SNRPN: variants seen among roughly 807,000 people sequenced by gnomAD.
SNRPN encodes the protein small nuclear ribonucleoprotein polypeptide N, also known as small nuclear ribonucleoprotein-associated protein N.
In SNRPN, 7 loss-of-function variants were observed where a neutral mutation model predicts 25.2. That is an observed-to-expected ratio of 0.28 (90% CI 0.16 to 0.52). The LOEUF is 0.52. SNRPN is among the 20% of genes least tolerant of loss of function. The probability of loss-of-function intolerance (pLI) is 0.96; values close to 1 mark genes in which losing one functional copy is unlikely to be tolerated. For synonymous variants in SNRPN, 124 were observed against 110.6 expected (o/e 1.12, Z -0.76); for missense variants, 196 against 322.5 (o/e 0.61, Z 3.00).
In SNRPN at chr15:24,900,522, A is replaced by G. The variant is rs141049276; in HGVS notation, c.-505+13933A>G. ...TTGCACAAAAGCTGGGTTAGATACCATTAAAGGGGATGCCCATTTTTCTTA... is the reference window on the plus strand; with the variant it reads ...TTGCACAAAAGCTGGGTTAGATACCGTTAAAGGGGATGCCCATTTTTCTTA... On this transcript the variant is annotated intron_variant, in intron 2 of 11. Transcript: ENST00000400097. 1.5e-3 allele frequency among the ~76,000 whole-genome samples: 234 copies of G among 152,018 alleles called. 1 individual carries two copies. The Middle Eastern group carries it at 0.037, about 24-fold the overall frequency.
At chr15:24,889,938 T>C (rs1227445550) in intron 2 of SNRPN, among the ~76,000 whole-genome samples, 1 of 149,922 alleles carries the variant, frequency 6.7e-6, no homozygotes, top group Non-Finnish European at 1.5e-5. Flanking sequence ...TAGTCCCAGC[T>C]ACTCAGGAGA....
chr15:24,915,968 C>CTTTTTTTTT (rs35835568), intron 2 of SNRPN, among the ~76,000 whole-genome samples: 3 of 97,384 alleles, frequency 3.1e-5, no homozygotes, highest in African/African-American at 7.9e-5. Flanking sequence ...GCCAGGTTGA[C>CTTTTTTTTT]TTTTTTTTTT....
chr15:24,958,228 G>A (rs1006224331), intron 1 of SNRPN, among the ~76,000 whole-genome samples: 3 of 152,008 alleles, frequency 2.0e-5, no homozygotes, highest in Admixed American at 2.0e-4. Flanking sequence ...TGTTTATAAG[G>A]TGTCAAGGAT....
chr15:24,835,392 CT>C, intron 2 of SNRPN, among the ~76,000 whole-genome samples: 1 of 151,626 alleles, frequency 6.6e-6, no homozygotes. Flanking sequence ...TTAAAATTAC[CT>C]TAATTTTGTA....
chr15:24,969,979 A>G (rs2076194030), intron 3 of SNRPN, among the ~76,000 whole-genome samples: 1 of 152,240 alleles, frequency 6.6e-6, no homozygotes, highest in Non-Finnish European at 1.5e-5. Context: ...TTGCTATTTA[A>G]AAGAAAATAA....
rs1489705156 is a variant in SNRPN at position 24,977,885 on chromosome 15, C to A, written c.528C>A (p.Pro176=). 2 of 1,590,840 alleles carry A rather than the reference C, an allele frequency of 1.3e-6. No individual in the cohort carries two copies. Among genetic ancestry groups the A allele is most frequent in the Non-Finnish European group, 1.7e-6 (2 of 1,168,978 alleles). The change falls in exon 8 of 10, where the codon CCC becomes CCA. Residue 176 remains proline, a synonymous_variant. Coordinates refer to ENST00000390687, the MANE Select transcript of SNRPN (RefSeq NM_003097.6). The stretch of plus-strand genomic sequence containing the variant: ...ACCCACCAGGACGGGGCACTCCGCC[C>A]CCACCCGTCGGCAGAGCAACCCCAC... ...TQYPPGRGTP[P]PPVGRATPPP...
At chr15:24,836,497 T>TGG (rs1435381693) in intron 2 of SNRPN, among the ~76,000 whole-genome samples, 2,796 of 151,986 alleles carry the variant, frequency 0.018, 107 homozygotes, top group African/African-American at 0.064. Flanking sequence ...CCACAAACTC[T>TGG]GCGTCCCGTT....
chr15:24,960,545 C>G (rs1342589361), intron 1 of SNRPN, among the ~76,000 whole-genome samples: 1 of 152,112 alleles, frequency 6.6e-6, no homozygotes, highest in African/African-American at 2.4e-5. Context: ...CCAAGCTGGT[C>G]TCCTGAGCTC....
Position 24,978,563 on chromosome 15 carries a change from C to T in SNRPN, c.*119C>T. The T allele has an allele frequency of 1.1e-6, 1 of 923,642 alleles. No homozygotes were observed. The highest frequency in any genetic ancestry group is 1.3e-5 in the South Asian group (1 of 75,456). The allele number at this position is 923,642 out of a possible 1,614,324, so 57.2% of individuals were successfully genotyped here. On this transcript the variant is annotated 3_prime_UTR_variant, in exon 10 of 10. Coordinates refer to ENST00000390687, the MANE Select transcript of SNRPN (RefSeq NM_003097.6). ...CATTAATAATAGCTAATAATAAATG[C>T]ATAGAGCAATTAAACTGTGAGGTAC...
At chr15:24,951,215 A>G (rs1468721642), upstream of SNRPN, among the ~76,000 whole-genome samples, 1 of 152,006 alleles carries the variant, frequency 6.6e-6, no homozygotes, top group Non-Finnish European at 1.5e-5. Context: ...TCATATGGTA[A>G]CTTCAGGGTT....
chr15:24,948,546 T>G (rs2062025918), intron 3 of SNRPN, among the ~76,000 whole-genome samples: 1 of 152,132 alleles, frequency 6.6e-6, no homozygotes, highest in Non-Finnish European at 1.5e-5. Flanking sequence ...TAACTGAAAT[T>G]TATACTTTAT....
chr15:24,883,179 G>A (rs2056892427), intron 1 of SNRPN, among the ~76,000 whole-genome samples: 2 of 152,248 alleles, frequency 1.3e-5, no homozygotes, highest in Non-Finnish European at 2.9e-5. Context: ...GGACAGTCAA[G>A]AAGGAAGCCA....
intron 2 of SNRPN, among the ~76,000 whole-genome samples, chr15:24,963,111 A>G (rs1445315058): frequency 3.3e-5 from 5 of 152,166 alleles, no homozygotes; most frequent in Non-Finnish European, 5.9e-5. Flanking sequence ...GACATGGGAC[A>G]CATTTGAAGT....
At chr15:24,868,948 G>A (rs1442017020) in intron 1 of SNRPN, among the ~76,000 whole-genome samples, 1 of 152,072 alleles carries the variant, frequency 6.6e-6, no homozygotes, top group African/African-American at 2.4e-5. Flanking sequence ...ACTAGCCTAG[G>A]CAACATAGCC....
chr15:24,886,707 G>T (rs921502941), intron 2 of SNRPN: 1 of 152,100 alleles, frequency 6.6e-6, no homozygotes, highest in Non-Finnish European at 1.5e-5. Flanking sequence ...CATCAGATGG[G>T]TCCAGCCATA....
intron 1 of SNRPN, among the ~76,000 whole-genome samples, chr15:24,874,246 C>T (rs889671510): frequency 4.5e-5 from 6 of 134,446 alleles, no homozygotes; most frequent in Non-Finnish European, 6.1e-5. Context: ...GGAGGTGGAG[C>T]TTGCAGTGAG....
At chr15:24,908,750 C>T (rs1480992298) in intron 2 of SNRPN, among the ~76,000 whole-genome samples, 2 of 152,192 alleles carry the variant, frequency 1.3e-5, no homozygotes, top group African/African-American at 4.8e-5. Context: ...AGTGGAATTG[C>T]ACCTCCAAGC....
upstream of SNRPN, among the ~76,000 whole-genome samples, chr15:24,856,157 G>A (rs1446700499): frequency 6.6e-6 from 1 of 152,088 alleles, no homozygotes; most frequent in South Asian, 2.1e-4. Flanking sequence ...TCTTAGCCAA[G>A]TGTGCTATTA....
At chr15:24,923,881 ATGTGTGTGTGTGTGTGTG>A (rs58343685) in intron 3 of SNRPN, among the ~76,000 whole-genome samples, 1 of 106,122 alleles carries the variant, frequency 9.4e-6, no homozygotes, top group Non-Finnish European at 1.8e-5. Context: ...AGTGCCGTGT[ATGTGTGTGTGTGTGTGTG>A]TGTGTGTGTG....
Sources: gnomAD v4.1 joint callset for allele counts (sites outside exome capture counted in the v4.1 genomes callset) on GRCh38, gnomAD v4.1.1 for gene constraint, MANE v1.5 for transcripts, NCBI Gene and HGNC (gene_info 2026-07-23, HGNC 2026-07-21) for gene names.